Variants in DIS3L observed in about 807,000 individuals in gnomAD.
DIS3L encodes the protein DIS3 like exosome 3'-5' exoribonuclease.
Under a neutral mutation model 120.3 loss-of-function variants are expected in DIS3L, and 100 were observed. The observed-to-expected ratio is 0.83, with a 90% CI of 0.71 to 0.98. The LOEUF is 0.98. Among genes scored for constraint, DIS3L ranks in the 50% least tolerant of loss-of-function variants. The probability of loss-of-function intolerance (pLI) is 0.00; values close to 1 mark genes in which losing one functional copy is unlikely to be tolerated. For synonymous variants in DIS3L, 426 were observed against 470.6 expected, an observed-to-expected ratio of 0.91 and a Z score of 1.23; for missense variants, 1,196 against 1,314.2, an observed-to-expected ratio of 0.91 and a Z score of 1.39.
chr15:66,315,526 T>A (rs564081867), intron 7 of DIS3L, among the ~76,000 whole-genome samples: 1 of 152,200 alleles, frequency 6.6e-6, no homozygotes, highest in Non-Finnish European at 1.5e-5. Context: ...TACATTGTTA[T>A]TAACTATAGT....
At chr15:66,293,532 G>A (rs2092544572), upstream of DIS3L, 1 of 1,333,118 alleles carries the variant, frequency 7.5e-7, no homozygotes, top group Non-Finnish European at 9.6e-7. Context: ...CGAGGGGCGG[G>A]TCCGAGGCCG....
chr15:66,333,089 A>G lies in DIS3L; in HGVS notation c.2942A>G (p.Asn981Ser). Residue 981 changes from asparagine (N) to serine (S), a missense_variant, in exon 17 of 17, where the codon AAT becomes AGT. Asn to Ser is a conservative substitution (Grantham distance 46). Coordinates refer to ENST00000319212, the MANE Select transcript of DIS3L (RefSeq NM_001143688.3). Reference sequence around the variant, plus strand: ...AGTAACAAACCATACAAGATACCAAATACAGAACTTATTCATCAGAGTTCC... The same window carrying G: ...AGTAACAAACCATACAAGATACCAAGTACAGAACTTATTCATCAGAGTTCC... ...IISNKPYKIP[N>S]TELIHQSSPL... is the part of the protein sequence containing the mutation. 1 of 1,613,436 alleles carries G rather than the reference A, an allele frequency of 6.2e-7. No individual in the cohort carries two copies. Among genetic ancestry groups the G allele is most frequent in the Middle Eastern group, 1.6e-4 (1 of 6,062 alleles).
chr15:66,327,174 C>A (rs901325035), intron 12 of DIS3L, among the ~76,000 whole-genome samples: 1 of 151,070 alleles, frequency 6.6e-6, no homozygotes, highest in Non-Finnish European at 1.5e-5. Flanking sequence ...ATGATTCGCC[C>A]GTCTCGGTCT....
At chr15:66,293,939 G>A in intron 1 of DIS3L, 1 of 996,860 alleles carries the variant, frequency 1.0e-6, no homozygotes, top group East Asian at 1.1e-4. Flanking sequence ...TGGGGCGCCC[G>A]GGACTCCCTT....
Position 66,326,414 on chromosome 15 carries a change from T to C in DIS3L, c.2201+50T>C, listed in dbSNP as rs532886927. On this transcript the variant is annotated intron_variant, in intron 12 of 16. Transcript: ENST00000319212. Reference sequence around the variant, plus strand: ...GGAATGGAGTGGCATGCTGTATATTTAGTTATCTTACAGTTGTTCTTAAAA... The same window carrying C: ...GGAATGGAGTGGCATGCTGTATATTCAGTTATCTTACAGTTGTTCTTAAAA... 1.4e-4 allele frequency: 216 copies of C among 1,555,622 alleles called. No individual in the cohort carries two copies. In the South Asian group the frequency reaches 2.4e-3, roughly 17 times the overall value.
chr15:66,322,275 A>G (rs1322776378), intron 9 of DIS3L, among the ~76,000 whole-genome samples: 2 of 152,188 alleles, frequency 1.3e-5, no homozygotes, highest in African/African-American at 4.8e-5. Flanking sequence ...TAAGCTTTTA[A>G]TATTTGGAAC....
intron 9 of DIS3L, 88 bp from the exon 10 acceptor site, chr15:66,322,599 C>T: frequency 6.5e-7 from 1 of 1,546,454 alleles, no homozygotes; most frequent in Non-Finnish European, 8.7e-7. Flanking sequence ...GAATGAATTT[C>T]TATGTGGTCA....
intron 2 of DIS3L, among the ~76,000 whole-genome samples, chr15:66,305,086 C>T (rs578237132): frequency 6.8e-6 from 1 of 147,842 alleles, no homozygotes; most frequent in South Asian, 2.2e-4. Context: ...CTGCAAGCTC[C>T]GCCTCCAGGG....
intron 7 of DIS3L, among the ~76,000 whole-genome samples, chr15:66,316,636 T>C (rs1182041599): frequency 1.3e-5 from 2 of 152,034 alleles, no homozygotes; most frequent in Admixed American, 1.3e-4. Flanking sequence ...GCCAACATGG[T>C]GAAACCCTGT....
chr15:66,314,038 G>C lies in DIS3L; in HGVS notation c.736-1G>C, dbSNP rs1278938506. ...ATTGATTTTTTAAATTATGATTTTA[G>C]GGAATTCTGAATGTCAACAAACACA... On this transcript the variant is annotated splice_acceptor_variant, in intron 5 of 16. Transcript: ENST00000319212. LOFTEE classifies it high-confidence loss of function. 2.6e-5 allele frequency: 40 copies of C among 1,547,842 alleles called. No homozygotes were observed. The highest frequency in any genetic ancestry group is 3.5e-5 in the Non-Finnish European group (40 of 1,149,272).
At chr15:66,313,656 G>A (rs2092785252) in intron 5 of DIS3L, among the ~76,000 whole-genome samples, 1 of 151,944 alleles carries the variant, frequency 6.6e-6, no homozygotes, top group South Asian at 2.1e-4. Flanking sequence ...CTTCAACCTG[G>A]GAGGCAGAGG....
Position 66,318,754 on chromosome 15 carries a change from C to T in DIS3L, c.1164+136C>T, listed in dbSNP as rs1027464043. The T allele has an allele frequency of 1.5e-4, 140 of 959,858 alleles. 1 individual carries two copies. The highest frequency in any genetic ancestry group is 2.5e-4 in the Middle Eastern group (1 of 3,926). 59.5% of individuals were successfully genotyped at this position (959,858 alleles called of 1,614,324 possible). ...TAAATTATTGATGGCATCTGGCATT[C>T]CAAGATACTGGGATGTGTTTTTTGG... On this transcript the variant is annotated intron_variant, in intron 8 of 16. Coordinates refer to ENST00000319212, the MANE Select transcript of DIS3L (RefSeq NM_001143688.3).
chr15:66,302,167 A>T (rs988033292), intron 2 of DIS3L, among the ~76,000 whole-genome samples: 1 of 152,156 alleles, frequency 6.6e-6, no homozygotes, highest in Non-Finnish European at 1.5e-5. Context: ...ATTTGAGATC[A>T]GCCTGGCTAA....
intron 1 of DIS3L, 129 bp downstream of exon 1, chr15:66,293,864 C>G: frequency 1.1e-6 from 1 of 899,480 alleles, no homozygotes. Flanking sequence ...GGCCTGCGCC[C>G]GCTCGCCGGC....
chr15:66,293,558 C>T (rs2092545145), upstream of DIS3L: 13 of 1,393,354 alleles, frequency 9.3e-6, no homozygotes, highest in Non-Finnish European at 1.2e-5. Flanking sequence ...TTGCCTCCGC[C>T]GCGCCCGCCA....
intron 2 of DIS3L, among the ~76,000 whole-genome samples, chr15:66,297,832 G>A (rs1045658163): frequency 6.6e-6 from 1 of 152,062 alleles, no homozygotes; most frequent in African/African-American, 2.4e-5. Context: ...AATTCCTTCT[G>A]TATAGCTTCA....
chr15:66,308,571 A>G lies in DIS3L; in HGVS notation c.423-138A>G, dbSNP rs879064607. The G allele has an allele frequency of 1.6e-5, 18 of 1,131,614 alleles. No homozygotes were observed. In the South Asian group the frequency reaches 4.7e-4, roughly 29 times the overall value. The allele number at this position is 1,131,614 out of a possible 1,614,324, so 70.1% of individuals were successfully genotyped here. On this transcript the variant is annotated intron_variant, in intron 3 of 16. Coordinates refer to ENST00000319212, the MANE Select transcript of DIS3L (RefSeq NM_001143688.3). ...CCAGCCCAGGGCTTCTTTATAATGG[A>G]TACTCCAGAAGTATTTGTTGAACGA...
At position 66,305,866 on chromosome 15, in the gene DIS3L, C is replaced by T. The variant is rs79803660; in HGVS notation, c.294-958C>T. 3.9e-3 allele frequency among the ~76,000 whole-genome samples: 596 copies of T among 152,250 alleles called. 6 individuals carry two copies. The highest frequency in any genetic ancestry group is 0.014 in the African/African-American group (578 of 41,548). ...TAAATAAGCAGTTGACTCCCTTTAA[C>T]ATAACTGAGTGTTTTCTGTAATTTT... On this transcript the variant is annotated intron_variant, in intron 2 of 16. Coordinates refer to ENST00000319212, the MANE Select transcript of DIS3L (RefSeq NM_001143688.3).
chr15:66,305,915 C>T (rs748445816), intron 2 of DIS3L, among the ~76,000 whole-genome samples: 1 of 152,212 alleles, frequency 6.6e-6, no homozygotes, highest in Non-Finnish European at 1.5e-5. Context: ...TATTGAAAAG[C>T]ACCTTCTTAG....
Sources: allele counts gnomAD v4.1 joint callset (sites outside exome capture counted in the v4.1 genomes callset), GRCh38; gene constraint gnomAD v4.1.1; transcripts MANE v1.5; gene names NCBI Gene and HGNC (gene_info 2026-07-23, HGNC 2026-07-21).